ADAM23: variants seen among roughly 807,000 people sequenced by gnomAD.
ADAM23 encodes the protein ADAM metallopeptidase domain 23.
In ADAM23, 33 loss-of-function variants were observed where a neutral mutation model predicts 120.1. The observed-to-expected ratio is 0.27, with a 90% CI of 0.21 to 0.37. ADAM23 has a LOEUF of 0.37. Ranked by LOEUF, ADAM23 falls within the 10% of genes least tolerant of loss-of-function variation. The probability of loss-of-function intolerance (pLI) is 1.00; values close to 1 mark genes in which losing one functional copy is unlikely to be tolerated. For synonymous variants in ADAM23, 367 were observed against 375.2 expected (o/e 0.98, Z 0.25); for missense variants, 862 against 1,058.2 (o/e 0.81, Z 2.57).
At chr2:206,597,472 A>G (rs1015899300) in intron 24 of ADAM23, among the ~76,000 whole-genome samples, 4 of 151,972 alleles carry the variant, frequency 2.6e-5, no homozygotes, top group Non-Finnish European at 4.4e-5. Context: ...GGCCTCTTAC[A>G]TCATCTTATA....
intron 3 of ADAM23, among the ~76,000 whole-genome samples, chr2:206,507,856 G>T (rs1055899772): frequency 6.6e-6 from 1 of 152,028 alleles, no homozygotes; most frequent in Non-Finnish European, 1.5e-5. Flanking sequence ...ATTTTAGCCC[G>T]TAAATTTATA....
intron 15 of ADAM23, among the ~76,000 whole-genome samples, chr2:206,569,530 A>G (rs143526760): frequency 6.6e-6 from 1 of 152,260 alleles, no homozygotes; most frequent in African/African-American, 2.4e-5. Context: ...TCTGTGCTTT[A>G]GGAATCTTCC....
chr2:206,592,419 T>G (rs542149274), intron 21 of ADAM23, among the ~76,000 whole-genome samples, 198 bp from the exon 22 acceptor site: 1 of 152,174 alleles, frequency 6.6e-6, no homozygotes, highest in Non-Finnish European at 1.5e-5. Flanking sequence ...CTGGGCACTT[T>G]GCTGTTCCAA....
chr2:206,584,075 T>G (rs1698273675), intron 18 of ADAM23, among the ~76,000 whole-genome samples: 1 of 152,184 alleles, frequency 6.6e-6, no homozygotes, highest in Admixed American at 6.5e-5. Context: ...ACTCTCCCCC[T>G]TTTCCTATGG....
rs1695425692 is a variant in ADAM23, at chr2:206,461,808, G to C, written c.432+16284G>C. 3.9e-5 allele frequency among the ~76,000 whole-genome samples: 6 copies of C among 152,154 alleles called. No homozygotes were observed. In the South Asian group the frequency reaches 1.2e-3, roughly 32 times the overall value. ...GGGATTGTTTGTTATTCCAAATCAT[G>C]GTTGCATTTGTGGACAAGCTGCCTC... is the stretch of plus-strand genomic sequence containing the variant. On this transcript the variant is annotated intron_variant, in intron 2 of 25. Transcript: ENST00000264377.
chr2:206,613,768 T>C (rs755621005), intron 25 of ADAM23, among the ~76,000 whole-genome samples: 5 of 152,176 alleles, frequency 3.3e-5, no homozygotes, highest in South Asian at 2.1e-4. Flanking sequence ...GTGAAAAGTA[T>C]ATGAAAAGAG....
At chr2:206,583,959 T>A (rs907925241) in intron 18 of ADAM23, among the ~76,000 whole-genome samples, 2 of 152,128 alleles carry the variant, frequency 1.3e-5, no homozygotes, top group African/African-American at 4.8e-5. Flanking sequence ...CCAGAGTTGG[T>A]TTTTTTGGTT....
intron 21 of ADAM23, among the ~76,000 whole-genome samples, chr2:206,590,866 A>C (rs1698413247): frequency 6.6e-6 from 1 of 152,170 alleles, no homozygotes; most frequent in Admixed American, 6.5e-5. Context: ...AGCTTTATTC[A>C]TTCACTCCAT....
At chr2:206,570,284 G>T (rs1320356073) in intron 15 of ADAM23, among the ~76,000 whole-genome samples, 1 of 152,094 alleles carries the variant, frequency 6.6e-6, no homozygotes, top group Non-Finnish European at 1.5e-5. Context: ...GCATTTACTT[G>T]ATTGTACATA....
intron 25 of ADAM23, among the ~76,000 whole-genome samples, chr2:206,615,800 G>A (rs945135660): frequency 1.3e-5 from 2 of 152,218 alleles, no homozygotes; most frequent in Non-Finnish European, 2.9e-5. Flanking sequence ...AAGAGCACAA[G>A]CTTTTGGACA....
chr2:206,603,883 G>A (rs1034431012), intron 24 of ADAM23, among the ~76,000 whole-genome samples: 1 of 151,466 alleles, frequency 6.6e-6, no homozygotes, highest in African/African-American at 2.4e-5. Context: ...TTAAGCATAT[G>A]TGGCTTATAT....
rs559665938 is a variant in ADAM23, at chr2:206,589,779, G to A, written c.1958+265G>A. Among the ~76,000 whole-genome samples, 90 of 152,048 alleles carry A rather than the reference G, an allele frequency of 5.9e-4. 1 individual carries two copies. The highest frequency in any genetic ancestry group is 1.9e-3 in the African/African-American group (78 of 41,466). On this transcript the variant is annotated intron_variant, in intron 21 of 25. Coordinates refer to ENST00000264377, the MANE Select transcript of ADAM23 (RefSeq NM_003812.4). ...CATTTTACTTCATTTTTGTTCTGAC[G>A]AGATACTTTGCCAGAGCATTACAAA...
intron 22 of ADAM23, among the ~76,000 whole-genome samples, chr2:206,593,776 T>C (rs1559281002): frequency 6.6e-6 from 1 of 152,062 alleles, no homozygotes; most frequent in Non-Finnish European, 1.5e-5. Context: ...CAGCAAGATA[T>C]TCTATTAGTG....
chr2:206,570,596 T>C (rs1697975879), intron 15 of ADAM23, 144 bp from the exon 16 acceptor site: 1 of 614,308 alleles, frequency 1.6e-6, no homozygotes, highest in African/African-American at 1.8e-5. Flanking sequence ...CATACAGTCA[T>C]CATTTATAAG....
Position 206,592,260 on chromosome 2 carries a change from T to TC in ADAM23, c.1959-354dup, listed in dbSNP as rs766534280. ...CAGAAAACAAAATCCTCCCAGCCAC[T>TC]CCCTAGCCAGCTTCTCCTCACATCT... On this transcript the variant is annotated intron_variant, in intron 21 of 25. Transcript: ENST00000264377. 1.7e-4 allele frequency among the ~76,000 whole-genome samples: 26 copies of TC among 152,212 alleles called. 1 individual carries two copies. Among genetic ancestry groups the TC allele is most frequent in the South Asian group, 6.2e-4 (3 of 4,822 alleles).
intron 6 of ADAM23, among the ~76,000 whole-genome samples, chr2:206,544,542 A>G (rs1294656805): frequency 3.3e-5 from 5 of 152,156 alleles, no homozygotes; most frequent in Admixed American, 3.3e-4. Context: ...TGAATAAGTA[A>G]TTACATGTGG....
chr2:206,553,476 C>G (rs1365028000), intron 9 of ADAM23, among the ~76,000 whole-genome samples: 1 of 151,950 alleles, frequency 6.6e-6, no homozygotes, highest in Non-Finnish European at 1.5e-5. Context: ...GTAATAATGC[C>G]TAAAATAGAA....
At chr2:206,508,083 G>A (rs951023549) in intron 3 of ADAM23, among the ~76,000 whole-genome samples, 3 of 152,098 alleles carry the variant, frequency 2.0e-5, no homozygotes, top group Admixed American at 6.5e-5. Context: ...AGGCTGGAGT[G>A]CAGTGGCGCA....
intron 3 of ADAM23, among the ~76,000 whole-genome samples, chr2:206,485,449 G>C (rs753259504): frequency 2.0e-5 from 3 of 152,170 alleles, no homozygotes; most frequent in Non-Finnish European, 4.4e-5. Flanking sequence ...AGGGTGTGGA[G>C]GAATGAGCAC....
Sources: allele counts gnomAD v4.1 joint callset (sites outside exome capture counted in the v4.1 genomes callset), GRCh38; gene constraint gnomAD v4.1.1; transcripts MANE v1.5; gene names NCBI Gene and HGNC (gene_info 2026-07-23, HGNC 2026-07-21).